SUZ12: variants seen among roughly 807,000 people sequenced by gnomAD.
SUZ12 encodes the protein polycomb protein SUZ12.
In SUZ12, 17 loss-of-function variants were observed where a neutral mutation model predicts 87.3. The ratio of observed to expected loss-of-function variants is 0.19; its 90% CI spans 0.13 to 0.29. The LOEUF is 0.29. Ranked by LOEUF, SUZ12 falls within the 10% of genes least tolerant of loss-of-function variation. The pLI, the probability that SUZ12 is intolerant of heterozygous loss-of-function variation, is 1.00. For synonymous variants in SUZ12, 253 were observed against 312.4 expected, an observed-to-expected ratio of 0.81 and a Z score of 2.01; for missense variants, 526 against 912.2, an observed-to-expected ratio of 0.58 and a Z score of 5.45.
At chr17:31,991,624 A>T (rs1195525768) in intron 10 of SUZ12, among the ~76,000 whole-genome samples, 2 of 151,994 alleles carry the variant, frequency 1.3e-5, no homozygotes, top group East Asian at 3.9e-4. Context: ...TTTTTTTTGG[A>T]GACGGAGTCT....
chr17:31,941,546 C>G (rs1180778467), intron 3 of SUZ12, among the ~76,000 whole-genome samples: 1 of 83,122 alleles, frequency 1.2e-5, no homozygotes, highest in African/African-American at 5.0e-5. Flanking sequence ...CATGAGCCAC[C>G]GTGCCTGGCC....
At chr17:31,949,676 C>CGTTTTTTTTT (rs1906839689) in intron 4 of SUZ12, among the ~76,000 whole-genome samples, 2 of 12,388 alleles carry the variant, frequency 1.6e-4, no homozygotes, top group African/African-American at 6.9e-4. Flanking sequence ...CCCCCCCCCC[C>CGTTTTTTTTT]TTTTTTTTTT....
intron 4 of SUZ12, among the ~76,000 whole-genome samples, chr17:31,954,984 T>TTTG (rs958269644): frequency 3.3e-5 from 5 of 152,206 alleles, no homozygotes; most frequent in African/African-American, 1.2e-4. Context: ...GTTCGTTCTT[T>TTTG]TTGTTGTTGT....
intron 4 of SUZ12, among the ~76,000 whole-genome samples, chr17:31,962,755 A>G (rs1408510433): frequency 6.6e-6 from 1 of 152,256 alleles, no homozygotes; most frequent in Non-Finnish European, 1.5e-5. Flanking sequence ...GTAGAACAGG[A>G]AATGAGAACC....
In SUZ12 at chr17:31,996,083, A is replaced by C. The variant is rs79744297; in HGVS notation, c.1794+321A>C. ...AAATTAGCCAGGCATGGTGGCATGC[A>C]CTTGTAGTCCCAGCTATTCAGTTGG... is the stretch of plus-strand genomic sequence containing the variant. On this transcript the variant is annotated intron_variant, in intron 14 of 15. Transcript: ENST00000322652. 7.5e-3 allele frequency among the ~76,000 whole-genome samples: 1,148 copies of C among 152,168 alleles called. 13 individuals are homozygous for C. The highest frequency in any genetic ancestry group is 0.026 in the African/African-American group (1,096 of 41,516).
chr17:31,996,574 G>A (rs1283329782), intron 14 of SUZ12, among the ~76,000 whole-genome samples: 1 of 152,170 alleles, frequency 6.6e-6, no homozygotes, highest in Admixed American at 6.5e-5. Context: ...AACTGAGATC[G>A]TGCCACTGTA....
intron 5 of SUZ12, 167 bp downstream of exon 5, chr17:31,966,363 G>A (rs1908086272): frequency 1.5e-6 from 1 of 650,732 alleles, no homozygotes. Flanking sequence ...GATGAAATTT[G>A]TTTTTGGTGG....
At chr17:31,968,678 T>G (rs773615882) in intron 5 of SUZ12, among the ~76,000 whole-genome samples, 1 of 152,228 alleles carries the variant, frequency 6.6e-6, no homozygotes, top group Non-Finnish European at 1.5e-5. Context: ...CTTAAATTAT[T>G]TGTAATGGTC....
intron 8 of SUZ12, among the ~76,000 whole-genome samples, chr17:31,981,983 C>G (rs1040714527): frequency 4.6e-5 from 7 of 152,046 alleles, no homozygotes; most frequent in Non-Finnish European, 8.8e-5. Context: ...GAAGAGAAGC[C>G]AGTTTCTTGA....
intron 9 of SUZ12, among the ~76,000 whole-genome samples, chr17:31,983,524 C>T (rs1248354739): frequency 6.6e-6 from 1 of 152,042 alleles, no homozygotes; most frequent in African/African-American, 2.4e-5. Context: ...TTGTGATCTG[C>T]CCACCTTGGC....
rs185631968 is a variant in SUZ12 at position 31,976,417 on chromosome 17, A to T, written c.824-104A>T. The T allele has an allele frequency of 8.6e-6, 8 of 931,950 alleles. No homozygotes were observed. The East Asian group carries it at 2.1e-4, about 25-fold the overall frequency. The allele number at this position is 931,950 out of a possible 1,614,324, so 57.7% of individuals were successfully genotyped here. ...TTATTGCAACTTTAGTGTAATTCGT[A>T]CCTCATTTGGGATAAATGTAGCATG... On this transcript the variant is annotated intron_variant, in intron 7 of 15. Transcript: ENST00000322652.
intron 1 of SUZ12, among the ~76,000 whole-genome samples, chr17:31,938,464 TAGAA>T (rs1906071550): frequency 6.6e-6 from 1 of 152,230 alleles, no homozygotes; most frequent in Non-Finnish European, 1.5e-5. Context: ...CAGCTGTGCT[TAGAA>T]AGACGTATTA....
chr17:31,989,452 G>A (rs185072223), intron 10 of SUZ12, among the ~76,000 whole-genome samples: 14 of 152,250 alleles, frequency 9.2e-5, no homozygotes, highest in African/African-American at 3.4e-4. Flanking sequence ...TTGAAGTGGG[G>A]TCCTCATGGT....
chr17:31,945,176 G>C (rs1235232177), intron 3 of SUZ12, among the ~76,000 whole-genome samples: 1 of 151,640 alleles, frequency 6.6e-6, no homozygotes, highest in Non-Finnish European at 1.5e-5. Context: ...CTCATTTGCT[G>C]TTGTCTTCAG....
chr17:31,978,879 G>A (rs1006369111), intron 8 of SUZ12, among the ~76,000 whole-genome samples: 5 of 151,752 alleles, frequency 3.3e-5, no homozygotes, highest in Admixed American at 2.0e-4. Context: ...AGGCTGAGGC[G>A]GGCGGATCAC....
At chr17:31,943,297 C>T (rs1371220178) in intron 3 of SUZ12, among the ~76,000 whole-genome samples, 3 of 152,040 alleles carry the variant, frequency 2.0e-5, no homozygotes, top group Admixed American at 6.6e-5. Flanking sequence ...TTAGGCTTTG[C>T]GGCCAGGGTG....
At chr17:31,968,997 C>T (rs1335197095) in intron 5 of SUZ12, among the ~76,000 whole-genome samples, 1 of 152,026 alleles carries the variant, frequency 6.6e-6, no homozygotes, top group East Asian at 1.9e-4. Flanking sequence ...TCTCTGTTTC[C>T]AGAAAATAAT....
intron 9 of SUZ12, among the ~76,000 whole-genome samples, chr17:31,985,932 A>G (rs183126617): frequency 0.11 from 16,237 of 151,874 alleles, 1,064 homozygotes; most frequent in Middle Eastern, 0.15. Flanking sequence ...AAGTACTGGG[A>G]TTACAGGCAT....
chr17:31,960,614 G>A (rs1907647072), intron 4 of SUZ12, among the ~76,000 whole-genome samples: 1 of 151,834 alleles, frequency 6.6e-6, no homozygotes, highest in African/African-American at 2.4e-5. Flanking sequence ...GACTTGCTCT[G>A]TCACCTAGGC....
Sources: allele counts gnomAD v4.1 joint callset (sites outside exome capture counted in the v4.1 genomes callset), GRCh38; gene constraint gnomAD v4.1.1; transcripts MANE v1.5; gene names NCBI Gene and HGNC (gene_info 2026-07-23, HGNC 2026-07-21).